BCR: variants seen among roughly 807,000 people sequenced by gnomAD.
BCR encodes BCR activator of RhoGEF and GTPase.
In BCR, 58 loss-of-function variants were observed where a neutral mutation model predicts 138.6. That is an observed-to-expected ratio of 0.42 (90% CI 0.34 to 0.52). BCR has a LOEUF of 0.52. Ranked by LOEUF, BCR falls within the 20% of genes least tolerant of loss-of-function variation. The pLI is 0.06. For missense variants in BCR, 1,599 were observed against 1,727.2 expected (o/e 0.93, Z 1.32); for synonymous variants, 786 against 730.1 (o/e 1.08, Z -1.23).
chr22:23,219,021 G>GT (rs2072789521), intron 1 of BCR, among the ~76,000 whole-genome samples: 2 of 130 alleles, frequency 0.015, no homozygotes, highest in Non-Finnish European at 0.017. Context: ...GAGAAGGCCT[G>GT]CGCTTCCAGC....
At chr22:23,204,215 C>T (rs2072586373) in intron 1 of BCR, among the ~76,000 whole-genome samples, 1 of 151,844 alleles carries the variant, frequency 6.6e-6, no homozygotes, top group Non-Finnish European at 1.5e-5. Flanking sequence ...CATCCCAGCT[C>T]ATGGATTATG....
At chr22:23,240,341 G>GTGTGTC (rs1555878021) in intron 1 of BCR, among the ~76,000 whole-genome samples, 6 of 145,894 alleles carry the variant, frequency 4.1e-5, no homozygotes, top group African/African-American at 1.3e-4. Context: ...GTGTGTGTGT[G>GTGTGTC]TGTCTGTCTA....
intron 1 of BCR, among the ~76,000 whole-genome samples, chr22:23,202,579 G>A (rs1039208105): frequency 1.3e-5 from 2 of 152,038 alleles, no homozygotes; most frequent in African/African-American, 2.4e-5. Context: ...GGAATCTGAC[G>A]ACTCTAGAAA....
Position 23,181,227 on chromosome 22 carries a change from G to A in BCR, c.267G>A (p.Glu89=), listed in dbSNP as rs760840027. 6 of 1,239,770 alleles carry A rather than the reference G, an allele frequency of 4.8e-6. No homozygotes were observed. In the Admixed American group the frequency reaches 2.1e-4, roughly 43 times the overall value. The allele number at this position is 1,239,770 out of a possible 1,614,324, so 76.8% of individuals were successfully genotyped here. Residue 89 remains glutamate, a synonymous_variant, in exon 1 of 23, where the codon GAG becomes GAA. Transcript: ENST00000305877. ...RAAQAPDGAS[E]PRASASRPQP... ...CGCAGGCCCCCGACGGCGCCTCCGA[G>A]CCCCGAGCGTCCGCGTCGCGCCCGC...
intron 13 of BCR, 143 bp downstream of exon 13, chr22:23,289,764 T>G: frequency 2.8e-6 from 2 of 722,880 alleles, no homozygotes; most frequent in Non-Finnish European, 4.8e-6. Context: ...TGTTAGGGCC[T>G]CTTGTCTCCT....
intron 2 of BCR, among the ~76,000 whole-genome samples, chr22:23,258,120 TC>T (rs1393830448): frequency 6.6e-6 from 1 of 151,274 alleles, no homozygotes; most frequent in Non-Finnish European, 1.5e-5. Context: ...TTGATGGCTG[TC>T]CCCCCCACAC....
intron 1 of BCR, among the ~76,000 whole-genome samples, chr22:23,201,013 C>A (rs761570277): frequency 2.0e-5 from 3 of 152,192 alleles, no homozygotes; most frequent in African/African-American, 2.4e-5. Flanking sequence ...CCTGAGAAGC[C>A]GTAGTCTCCT....
chr22:23,262,807 G>A lies in BCR; in HGVS notation c.1752+1267G>A, dbSNP rs755471901. On this transcript the variant is annotated intron_variant, in intron 4 of 22. Transcript: ENST00000305877. Reference sequence around the variant, plus strand: ...GGAAGGGGAAGAGGAAGGGAAAAGCGAGCGAGAGGGGCAAGGCGGAAGAGG... The same window carrying A: ...GGAAGGGGAAGAGGAAGGGAAAAGCAAGCGAGAGGGGCAAGGCGGAAGAGG... 5.6e-5 allele frequency: 56 copies of A among 996,530 alleles called. No homozygotes were observed. The Admixed American group carries it at 1.1e-3, about 19-fold the overall frequency. The allele number at this position is 996,530 out of a possible 1,614,324, so 61.7% of individuals were successfully genotyped here. A position where few individuals can be genotyped will look rare whatever the true frequency, so the allele number is the denominator to read the frequency against.
At chr22:23,312,192 GC>G (rs1293290384) in intron 19 of BCR, among the ~76,000 whole-genome samples, 1 of 152,210 alleles carries the variant, frequency 6.6e-6, no homozygotes, top group Non-Finnish European at 1.5e-5. Flanking sequence ...ATGAAATTCA[GC>G]CCAGGCTGGG....
At position 23,182,072 on chromosome 22, in the gene BCR, C is replaced by G. The variant is rs756954804; in HGVS notation, c.1112C>G (p.Ser371Trp). The change falls in exon 1 of 23, where the codon TCG becomes TGG. Residue 371 changes from serine (S) to tryptophan (W), a missense_variant. By Grantham distance (177) the Ser-to-Trp change is radical. Around this residue, in one of 4 missense-constraint regions of BCR, gnomAD observed 806 missense variants for 635.0 expected, o/e 1.27. Transcript: ENST00000305877. ...TTCCGGGACAAAAGCCGCTCTCCCT[C>G]GCAGAACTCGCAACAGTCCTTCGAC... ...RMFRDKSRSP[S>W]QNSQQSFDSS... The G allele has an allele frequency of 2.5e-6, 4 of 1,613,354 alleles. No individual in the cohort carries two copies. Among genetic ancestry groups the G allele is most frequent in the Non-Finnish European group, 3.4e-6 (4 of 1,180,032 alleles).
chr22:23,311,633 G>A, intron 18 of BCR, 64 bp from the exon 19 acceptor site: 2 of 1,423,122 alleles, frequency 1.4e-6, no homozygotes, highest in South Asian at 2.4e-5. Flanking sequence ...ATATGGAGCA[G>A]GTCTCCTGTG....
chr22:23,223,158 A>G (rs2072846535), intron 1 of BCR, among the ~76,000 whole-genome samples: 5 of 152,252 alleles, frequency 3.3e-5, no homozygotes, highest in Non-Finnish European at 1.5e-5. Context: ...AGACTTTAAC[A>G]TAAGAGCTTT....
At chr22:23,269,890 C>G (rs2073490157) in intron 5 of BCR, among the ~76,000 whole-genome samples, 1 of 152,108 alleles carries the variant, frequency 6.6e-6, no homozygotes, top group African/African-American at 2.4e-5. Context: ...GAGGAAACAC[C>G]ATGGGACGCC....
In BCR at chr22:23,181,151, C is replaced by G. The variant is rs201420748; in HGVS notation, c.191C>G (p.Ala64Gly). ...ATGATCTACCTGCAGACGTTGCTGG[C>G]CAAGGAAAAGAAGAGCTATGACCGG... is the stretch of plus-strand genomic sequence containing the variant. ...FRMIYLQTLL[A>G]KEKKSYDRQR... Residue 64 changes from alanine (A) to glycine (G), a missense_variant, in exon 1 of 23, where the codon GCC (alanine) becomes GGC (glycine). This residue lies in a region of BCR where 806 missense variants were observed against 635.0 expected (regional missense o/e 1.27). Transcript: ENST00000305877. The G allele has an allele frequency of 6.9e-7, 1 of 1,457,058 alleles. No homozygotes were observed. Among genetic ancestry groups the G allele is most frequent in the Non-Finnish European group, 9.2e-7 (1 of 1,091,250 alleles). The allele number at this position is 1,457,058 out of a possible 1,614,324, so 90.3% of individuals were successfully genotyped here. A position where few individuals can be genotyped will look rare whatever the true frequency, so the allele number is the denominator to read the frequency against.
At chr22:23,275,833 G>A (rs2073569221) in intron 8 of BCR, among the ~76,000 whole-genome samples, 1 of 152,206 alleles carries the variant, frequency 6.6e-6, no homozygotes, top group African/African-American at 2.4e-5. Flanking sequence ...CTCCTGGGAA[G>A]TGAGTGTGGG....
intron 1 of BCR, chr22:23,242,731 C>A: frequency 2.8e-6 from 1 of 357,818 alleles, no homozygotes; most frequent in Non-Finnish European, 5.7e-6. Flanking sequence ...GCACCGAGTT[C>A]AGGCCATGTC....
intron 15 of BCR, among the ~76,000 whole-genome samples, chr22:23,292,995 G>A (rs1272262927): frequency 6.6e-6 from 1 of 152,082 alleles, no homozygotes; most frequent in Non-Finnish European, 1.5e-5. Context: ...TGACCCTCTT[G>A]GCTTCCGGAA....
rs779832118 is a variant in BCR, at chr22:23,287,235, T to C, written c.2483T>C (p.Met828Thr). Residue 828 changes from methionine (M) to threonine (T), a missense_variant, in exon 11 of 23, where the codon ATG (methionine) becomes ACG (threonine). Around this residue, in one of 4 missense-constraint regions of BCR, gnomAD observed 590 missense variants for 762.4 expected, o/e 0.77. Coordinates refer to ENST00000305877, the MANE Select transcript of BCR (RefSeq NM_004327.4). ...GAGCAGGAGTCACTGCTGCTGCTTA[T>C]GTCTCCCAGCATGGCCTTCAGGGTG... ...LSEQESLLLLMSPSMAFRVHS... is the reference protein window; with the variant it reads ...LSEQESLLLLTSPSMAFRVHS... The C allele has an allele frequency of 1.5e-5, 23 of 1,560,000 alleles. No homozygotes were observed. The highest frequency in any genetic ancestry group is 5.8e-5 in the Admixed American group (3 of 52,118).
intron 8 of BCR, among the ~76,000 whole-genome samples, chr22:23,276,276 G>C (rs2073574916): frequency 6.6e-6 from 1 of 152,134 alleles, no homozygotes; most frequent in South Asian, 2.1e-4. Flanking sequence ...GTGGGCACCT[G>C]TAGTCCCAGC....
Sources: gnomAD v4.1 joint callset for allele counts (sites outside exome capture counted in the v4.1 genomes callset) on GRCh38, gnomAD v4.1.1 for gene constraint, gnomAD v4.1.1 regional missense constraint, MANE v1.5 for transcripts, NCBI Gene and HGNC (gene_info 2026-07-23, HGNC 2026-07-21) for gene names.